MICU2: variants seen among roughly 807,000 people sequenced by gnomAD.
The protein encoded by MICU2 is calcium uptake protein 2, mitochondrial.
A neutral mutation model predicts 60.4 loss-of-function variants in MICU2; 64 were observed. The ratio of observed to expected loss-of-function variants is 1.06; its 90% confidence interval spans 0.87 to 1.31. The LOEUF (loss-of-function observed/expected upper bound fraction) is 1.31, where lower values mean the gene tolerates loss of function less well. Among genes scored for constraint, MICU2 ranks in the 50% most tolerant of loss-of-function variants. The probability of loss-of-function intolerance (pLI) is 0.00; values close to 1 mark genes in which losing one functional copy is unlikely to be tolerated. For synonymous variants in MICU2, 201 were observed against 175.0 expected, an observed-to-expected ratio of 1.15 and a Z score of -1.17; for missense variants, 569 against 531.0, an observed-to-expected ratio of 1.07 and a Z score of -0.70.
intron 9 of MICU2, among the ~76,000 whole-genome samples, chr13:21,498,696 A>G (rs1476755622): frequency 6.6e-6 from 1 of 152,044 alleles, no homozygotes; most frequent in Non-Finnish European, 1.5e-5. Context: ...TATTCTTATT[A>G]AAGTGTATAC....
intron 8 of MICU2, among the ~76,000 whole-genome samples, chr13:21,506,933 T>C (rs560359922): frequency 5.6e-4 from 85 of 152,324 alleles, no homozygotes; most frequent in African/African-American, 1.9e-3. Flanking sequence ...ACCATTTTTG[T>C]GGAATATCAA....
intron 9 of MICU2, 150 bp downstream of exon 9, chr13:21,502,776 G>T: frequency 1.5e-6 from 1 of 674,832 alleles, no homozygotes; most frequent in South Asian, 2.1e-5. Flanking sequence ...TTCCTTTACA[G>T]GAGAAGAGCA....
intron 1 of MICU2, among the ~76,000 whole-genome samples, chr13:21,587,748 T>C (rs1888490161): frequency 1.3e-5 from 2 of 152,292 alleles, no homozygotes; most frequent in Middle Eastern, 3.4e-3. Flanking sequence ...TTAGTACCTA[T>C]GATGAACTAG....
intron 2 of MICU2, among the ~76,000 whole-genome samples, chr13:21,545,094 GA>G (rs1331232008): frequency 6.6e-6 from 1 of 151,960 alleles, no homozygotes; most frequent in Non-Finnish European, 1.5e-5. Context: ...TCATCCAAAG[GA>G]AAAAACAATC....
In MICU2 at chr13:21,578,324, C is replaced by T. The variant is rs187182445; in HGVS notation, c.211-11380G>A. Among the ~76,000 whole-genome samples, 41 of 152,336 alleles carry T rather than the reference C, an allele frequency of 2.7e-4. 1 individual carries two copies. In the East Asian group the frequency reaches 6.6e-3, roughly 24 times the overall value. ...TTTTAGAGCTGGGCTTAGTGGCCCA[C>T]GCCTTTAATCCCAGCACTTTGGGAG... On this transcript the variant is annotated intron_variant, in intron 1 of 11. Coordinates refer to ENST00000382374, the MANE Select transcript of MICU2 (RefSeq NM_152726.3).
At chr13:21,562,468 G>A (rs1443603659) in intron 2 of MICU2, among the ~76,000 whole-genome samples, 1 of 151,118 alleles carries the variant, frequency 6.6e-6, no homozygotes, top group Non-Finnish European at 1.5e-5. Flanking sequence ...CTCTTTTTTT[G>A]CCTTCTCTGA....
chr13:21,593,496 A>C (rs925229375), intron 1 of MICU2, among the ~76,000 whole-genome samples: 20 of 98,732 alleles, frequency 2.0e-4, no homozygotes, highest in African/African-American at 5.6e-4. Flanking sequence ...CACTCTTCCC[A>C]GAATTAAAAA....
chr13:21,522,026 G>C (rs544239865), intron 5 of MICU2, among the ~76,000 whole-genome samples: 1 of 152,330 alleles, frequency 6.6e-6, no homozygotes, highest in South Asian at 2.1e-4. Context: ...CTAAAGTGCT[G>C]GGGTGAGCCC....
intron 2 of MICU2, among the ~76,000 whole-genome samples, chr13:21,542,561 CAG>C (rs1011993189): frequency 3.3e-5 from 5 of 151,968 alleles, no homozygotes; most frequent in African/African-American, 1.2e-4. Flanking sequence ...ATGAAAATAA[CAG>C]AATGGGGCAA....
intron 6 of MICU2, among the ~76,000 whole-genome samples, chr13:21,516,254 C>A (rs1360211962): frequency 6.6e-6 from 1 of 152,084 alleles, no homozygotes; most frequent in African/African-American, 2.4e-5. Context: ...AGAGACAGTT[C>A]TGATTTTTTT....
At chr13:21,547,209 G>A (rs1438305713) in intron 2 of MICU2, among the ~76,000 whole-genome samples, 4 of 152,196 alleles carry the variant, frequency 2.6e-5, no homozygotes, top group Admixed American at 6.5e-5. Context: ...AAAGGTTCAA[G>A]GGGAGGGACA....
chr13:21,495,345 T>A lies in MICU2; in HGVS notation c.1043-27A>T, dbSNP rs200784947. The A allele has an allele frequency of 1.3e-5, 20 of 1,550,968 alleles. No individual in the cohort carries two copies. The East Asian group carries it at 4.5e-4, about 35-fold the overall frequency. The stretch of plus-strand genomic sequence containing the variant: ...TAAAAAACAAACATAAAACAACTTA[T>A]CAACTATGTGAAATAGTCTAAGTGA... On this transcript the variant is annotated intron_variant, in intron 10 of 11. Transcript: ENST00000382374.
chr13:21,507,601 CTT>C (rs1886319751), intron 8 of MICU2, among the ~76,000 whole-genome samples: 1 of 150,702 alleles, frequency 6.6e-6, no homozygotes, highest in African/African-American at 2.5e-5. Flanking sequence ...AATTCAGAAA[CTT>C]AGATTTTTTT....
chr13:21,584,282 G>C (rs771840801), intron 1 of MICU2, among the ~76,000 whole-genome samples: 9 of 151,912 alleles, frequency 5.9e-5, no homozygotes, highest in Non-Finnish European at 1.3e-4. Flanking sequence ...CCAGCTACTC[G>C]GGAGGCTGGG....
intron 1 of MICU2, among the ~76,000 whole-genome samples, chr13:21,600,293 C>G (rs994742670): frequency 2.0e-5 from 3 of 152,186 alleles, no homozygotes; most frequent in Admixed American, 6.5e-5. Context: ...ACTTCCAGAT[C>G]TCTGTAAAGC....
intron 2 of MICU2, among the ~76,000 whole-genome samples, chr13:21,542,108 T>A (rs1326810442): frequency 6.6e-6 from 1 of 152,052 alleles, no homozygotes; most frequent in Non-Finnish European, 1.5e-5. Context: ...TCTCTTCAGT[T>A]AATGCACCTC....
chr13:21,516,760 C>T (rs532678463), intron 6 of MICU2, among the ~76,000 whole-genome samples: 11 of 152,084 alleles, frequency 7.2e-5, no homozygotes, highest in African/African-American at 1.4e-4. Context: ...TGACAACTCA[C>T]GTAAAAGGCA....
intron 2 of MICU2, among the ~76,000 whole-genome samples, chr13:21,559,123 C>T (rs976984843): frequency 6.6e-6 from 1 of 152,238 alleles, no homozygotes; most frequent in African/African-American, 2.4e-5. Context: ...ATGTGCTATA[C>T]GACTCCAAGA....
At chr13:21,521,939 C>T (rs1022058618) in intron 5 of MICU2, among the ~76,000 whole-genome samples, 26 of 152,138 alleles carry the variant, frequency 1.7e-4, no homozygotes, top group African/African-American at 3.9e-4. Flanking sequence ...CACCACACCT[C>T]GCAAATTTTT....
Sources: allele counts gnomAD v4.1 joint callset (sites outside exome capture counted in the v4.1 genomes callset), GRCh38; gene constraint gnomAD v4.1.1; transcripts MANE v1.5; gene names NCBI Gene and HGNC (gene_info 2026-07-23, HGNC 2026-07-21).